PKIB: variants seen among roughly 807,000 people sequenced by gnomAD.
PKIB encodes cAMP-dependent protein kinase inhibitor beta, also known as PKI-beta.
PKIB carries 2 observed loss-of-function variants against 4.5 expected under a neutral mutation model. That is an observed-to-expected ratio of 0.44 (90% CI 0.18 to 1.39). The LOEUF is 1.39. Ranked by LOEUF, PKIB falls within the 40% of genes most tolerant of loss-of-function variation. The pLI is 0.27. For synonymous variants in PKIB, 38 were observed against 36.0 expected (o/e 1.06, Z -0.20); for missense variants, 94 against 92.6 (o/e 1.02, Z -0.06).
intron 3 of PKIB, among the ~76,000 whole-genome samples, chr6:122,690,178 TG>T: frequency 6.6e-6 from 1 of 152,046 alleles, no homozygotes; most frequent in Non-Finnish European, 1.5e-5. Context: ...AACAGATCAT[TG>T]GGTCTTTCTT....
intron 3 of PKIB, among the ~76,000 whole-genome samples, chr6:122,710,165 A>T (rs550929343): frequency 7.2e-5 from 11 of 152,246 alleles, no homozygotes; most frequent in African/African-American, 2.6e-4. Context: ...AGGCAGAGGG[A>T]TATGAAGCCA....
intron 1 of PKIB, among the ~76,000 whole-genome samples, chr6:122,617,150 A>G (rs1775026241): frequency 6.6e-6 from 1 of 152,212 alleles, no homozygotes; most frequent in African/African-American, 2.4e-5. Flanking sequence ...CAACAGGTTA[A>G]TGGGTATTGC....
chr6:122,531,511 T>G (rs1777260043), intron 2 of PKIB: 1 of 152,174 alleles, frequency 6.6e-6, no homozygotes, highest in African/African-American at 2.4e-5. Flanking sequence ...AAACCACTAC[T>G]TGTGGACACT....
intron 2 of PKIB, among the ~76,000 whole-genome samples, chr6:122,560,094 G>A (rs2114670487): frequency 6.6e-6 from 1 of 152,192 alleles, no homozygotes; most frequent in South Asian, 2.1e-4. Context: ...GAGGAGTGGC[G>A]AGACTGGGCA....
chr6:122,696,299 G>T (rs188562102), intron 3 of PKIB, among the ~76,000 whole-genome samples: 2 of 152,238 alleles, frequency 1.3e-5, no homozygotes, highest in Admixed American at 1.3e-4. Flanking sequence ...TTCTGGGAAG[G>T]GAAATGAGTC....
Position 122,647,255 on chromosome 6 carries a change from A to G in PKIB, c.-76+13888A>G, listed in dbSNP as rs78361002. On this transcript the variant is annotated intron_variant, in intron 2 of 4. Coordinates refer to ENST00000368452, the MANE Select transcript of PKIB (RefSeq NM_181795.3). ...AGCCCTTTCAGATGATTGAATCTGG[A>G]CCACTAAGATATTGAGGATAATCTT... Among the ~76,000 whole-genome samples the G allele has an allele frequency of 8.0e-3, 1,226 of 152,300 alleles. 3 individuals carry two copies. Among genetic ancestry groups the G allele is most frequent in the Middle Eastern group, 0.017 (5 of 294 alleles).
chr6:122,686,162 A>G (rs1303082525), intron 3 of PKIB, among the ~76,000 whole-genome samples: 1 of 152,144 alleles, frequency 6.6e-6, no homozygotes, highest in African/African-American at 2.4e-5. Flanking sequence ...TCTTTGAAGT[A>G]TGTACATTGC....
intron 2 of PKIB, chr6:122,479,848 G>C (rs1409865680): frequency 6.6e-6 from 1 of 151,996 alleles, no homozygotes; most frequent in Non-Finnish European, 1.5e-5. Context: ...GCTTTTCACT[G>C]TCTACAATGC....
Position 122,726,373 on chromosome 6 carries a change from A to T in PKIB, c.*1178A>T, listed in dbSNP as rs1038538480. 3.9e-5 allele frequency: 6 copies of T among 152,284 alleles called. No individual in the cohort carries two copies. The East Asian group carries it at 1.2e-3, about 29-fold the overall frequency. The allele number at this position is 152,284 out of a possible 1,614,324, so 9.4% of individuals were successfully genotyped here. ...TCACTATTAAAGAGATTTCTTACTG[A>T]CACAAGTCTCCTTCATTTTATCTTC... is the stretch of plus-strand genomic sequence containing the variant. On this transcript the variant is annotated 3_prime_UTR_variant, in exon 5 of 5. Coordinates refer to ENST00000368452, the MANE Select transcript of PKIB (RefSeq NM_181795.3).
chr6:122,523,422 G>A (rs75485929), intron 2 of PKIB, among the ~76,000 whole-genome samples: 6 of 152,292 alleles, frequency 3.9e-5, no homozygotes, highest in Non-Finnish European at 5.9e-5. Flanking sequence ...ATCCCCACAC[G>A]TTGTGGGAGG....
intron 2 of PKIB, among the ~76,000 whole-genome samples, chr6:122,541,343 G>C (rs1582686641): frequency 6.6e-6 from 1 of 151,980 alleles, no homozygotes; most frequent in East Asian, 1.9e-4. Flanking sequence ...TCCATGTTTA[G>C]TGCTTCCTTC....
intron 3 of PKIB, among the ~76,000 whole-genome samples, chr6:122,682,754 G>T (rs1777949808): frequency 6.6e-6 from 1 of 152,098 alleles, no homozygotes; most frequent in African/African-American, 2.4e-5. Flanking sequence ...AAAGCTTCTT[G>T]AGCCTGCTAC....
At chr6:122,528,142 T>C (rs758186739) in intron 2 of PKIB, among the ~76,000 whole-genome samples, 2 of 152,180 alleles carry the variant, frequency 1.3e-5, no homozygotes, top group Admixed American at 6.6e-5. Context: ...TAGTCTCTTA[T>C]AACAGTTTTT....
intron 3 of PKIB, among the ~76,000 whole-genome samples, chr6:122,701,985 C>G (rs1486746580): frequency 1.3e-5 from 2 of 151,984 alleles, no homozygotes; most frequent in African/African-American, 4.8e-5. Flanking sequence ...CATTAGGTAA[C>G]CAGAATAAGA....
chr6:122,668,469 C>A (rs1562293339), intron 2 of PKIB, among the ~76,000 whole-genome samples: 1 of 152,188 alleles, frequency 6.6e-6, no homozygotes, highest in African/African-American at 2.4e-5. Flanking sequence ...AAAATGGAGT[C>A]TTTCCTGATG....
At chr6:122,576,689 A>AAAT (rs1345822382) in intron 2 of PKIB, among the ~76,000 whole-genome samples, 30 of 34,330 alleles carry the variant, frequency 8.7e-4, no homozygotes, top group Non-Finnish European at 1.1e-3. Context: ...AAAAAAAAAA[A>AAAT]ATATATATAT....
intron 3 of PKIB, among the ~76,000 whole-genome samples, chr6:122,686,096 G>A (rs1411117548): frequency 6.6e-6 from 1 of 152,132 alleles, no homozygotes; most frequent in Non-Finnish European, 1.5e-5. Context: ...TAGCTATTGT[G>A]AATAATGCTG....
chr6:122,722,879 TTTTCAC>T (rs1779798428), intron 4 of PKIB, among the ~76,000 whole-genome samples: 2 of 152,218 alleles, frequency 1.3e-5, no homozygotes, highest in East Asian at 3.9e-4. Context: ...CCTAATAAGA[TTTTCAC>T]CTCACCACAT....
At chr6:122,577,833 C>T (rs559549943) in intron 2 of PKIB, among the ~76,000 whole-genome samples, 26 of 150,322 alleles carry the variant, frequency 1.7e-4, no homozygotes, top group Admixed American at 1.0e-3. Context: ...GGCGTGAACC[C>T]GGGAGGCAGA....
Sources: allele counts gnomAD v4.1 joint callset (sites outside exome capture counted in the v4.1 genomes callset), GRCh38; gene constraint gnomAD v4.1.1; transcripts MANE v1.5; gene names NCBI Gene and HGNC (gene_info 2026-07-23, HGNC 2026-07-21).